The following EPHB1 variants were observed in gnomAD, a reference collection of about 807,000 sequenced individuals.
EPHB1 encodes the protein EPH receptor B1, also known as ephrin type-B receptor 1.
A neutral mutation model predicts 94.4 loss-of-function variants in EPHB1; 30 were observed. That is an observed-to-expected ratio of 0.32 (90% CI 0.24 to 0.43). EPHB1 has a LOEUF of 0.43. EPHB1 is among the 20% of genes least tolerant of loss of function. The pLI is 1.00. For synonymous variants in EPHB1, 522 were observed against 489.1 expected (o/e 1.07, Z -0.89); for missense variants, 1,055 against 1,308.3 (o/e 0.81, Z 2.99).
intron 3 of EPHB1, among the ~76,000 whole-genome samples, chr3:135,032,316 A>C (rs1936503840): frequency 6.8e-6 from 1 of 147,486 alleles, no homozygotes; most frequent in Admixed American, 6.8e-5. Context: ...CTCCTACTTC[A>C]TCATAAAACT....
At chr3:135,092,066 T>C (rs997388224) in intron 3 of EPHB1, among the ~76,000 whole-genome samples, 5 of 152,226 alleles carry the variant, frequency 3.3e-5, no homozygotes, top group Non-Finnish European at 7.3e-5. Context: ...AGAAAAACAC[T>C]TCGGTTTGAA....
At chr3:134,825,898 A>G (rs2036468029) in intron 1 of EPHB1, among the ~76,000 whole-genome samples, 2 of 151,906 alleles carry the variant, frequency 1.3e-5, no homozygotes, top group African/African-American at 2.4e-5. Flanking sequence ...TTCTTTTACC[A>G]TATCTGCATT....
chr3:134,795,608 C>G lies in EPHB1; in HGVS notation c.-24C>G. On this transcript the variant is annotated 5_prime_UTR_variant, in exon 1 of 16. Coordinates refer to ENST00000398015, the MANE Select transcript of EPHB1 (RefSeq NM_004441.5). The stretch of plus-strand genomic sequence containing the variant: ...CGGCGCTGCTGCCTCGGCTTGGTCT[C>G]GGCCTGCGGGCCGTCGGCCGGCGAT... 1 of 1,603,992 alleles carries G rather than the reference C, an allele frequency of 6.2e-7. No homozygotes were observed. Among genetic ancestry groups the G allele is most frequent in the Non-Finnish European group, 8.5e-7 (1 of 1,176,194 alleles).
At chr3:135,098,073 T>C (rs1190219471) in intron 3 of EPHB1, among the ~76,000 whole-genome samples, 1 of 152,178 alleles carries the variant, frequency 6.6e-6, no homozygotes, top group African/African-American at 2.4e-5. Context: ...AAGACCTCTG[T>C]CACAGAGCAT....
intron 15 of EPHB1, among the ~76,000 whole-genome samples, chr3:135,256,122 G>C (rs1487721950): frequency 2.6e-5 from 4 of 152,164 alleles, no homozygotes; most frequent in African/African-American, 7.2e-5. Context: ...CTTTGCACAT[G>C]AGATGGGTTT....
chr3:134,993,571 G>T (rs1178017599), intron 3 of EPHB1, among the ~76,000 whole-genome samples: 1 of 152,140 alleles, frequency 6.6e-6, no homozygotes, highest in African/African-American at 2.4e-5. Context: ...AGTACAAGGA[G>T]CCCAGAAAAC....
chr3:134,902,507 A>G (rs749020440), intron 1 of EPHB1, among the ~76,000 whole-genome samples: 1 of 152,236 alleles, frequency 6.6e-6, no homozygotes, highest in Non-Finnish European at 1.5e-5. Flanking sequence ...AATATATGCA[A>G]TAAAAGGAAA....
At chr3:134,860,019 A>G (rs1205793863) in intron 1 of EPHB1, among the ~76,000 whole-genome samples, 1 of 152,124 alleles carries the variant, frequency 6.6e-6, no homozygotes, top group African/African-American at 2.4e-5. Context: ...TAAATATATT[A>G]TGTATTTCAC....
At chr3:134,853,201 G>A (rs1010454563) in intron 1 of EPHB1, among the ~76,000 whole-genome samples, 8 of 152,364 alleles carry the variant, frequency 5.3e-5, no homozygotes, top group Non-Finnish European at 8.8e-5. Flanking sequence ...CTGGGGGACT[G>A]TTGTCAGCAA....
intron 12 of EPHB1, among the ~76,000 whole-genome samples, chr3:135,235,344 C>A (rs530578121): frequency 6.6e-6 from 1 of 152,164 alleles, no homozygotes; most frequent in African/African-American, 2.4e-5. Context: ...GTGGGAGAAC[C>A]ACACTGGGAA....
rs750194623 is a variant in EPHB1 at position 134,795,260 on chromosome 3, A to C, written c.-372A>C. On this transcript the variant is annotated 5_prime_UTR_variant, in exon 1 of 16. Coordinates refer to ENST00000398015, the MANE Select transcript of EPHB1 (RefSeq NM_004441.5). ...GGGGGATCCCGCTCCCTCCCGCGTCAGTCTGGCCGGCTCCGTCCTCCCGTA... is the reference window on the plus strand; with the variant it reads ...GGGGGATCCCGCTCCCTCCCGCGTCCGTCTGGCCGGCTCCGTCCTCCCGTA... 52 of 364,980 alleles carry C rather than the reference A, an allele frequency of 1.4e-4. No individual in the cohort carries two copies. The highest frequency in any genetic ancestry group is 2.3e-4 in the Non-Finnish European group (47 of 201,744). The allele number at this position is 364,980 out of a possible 1,614,324, so 22.6% of individuals were successfully genotyped here.
intron 10 of EPHB1, among the ~76,000 whole-genome samples, chr3:135,192,067 C>G (rs551740757): frequency 6.6e-6 from 1 of 152,244 alleles, no homozygotes; most frequent in Non-Finnish European, 1.5e-5. Context: ...CTTCCTAACT[C>G]CTCAGTGTCT....
At chr3:134,947,843 G>C (rs1003932970) in intron 2 of EPHB1, among the ~76,000 whole-genome samples, 104 of 152,158 alleles carry the variant, frequency 6.8e-4, no homozygotes, top group Non-Finnish European at 1.4e-3. Flanking sequence ...CACCCAGGCT[G>C]GAGTACAGTG....
intron 2 of EPHB1, among the ~76,000 whole-genome samples, chr3:134,936,698 A>C (rs1455147380): frequency 5.3e-5 from 8 of 152,244 alleles, no homozygotes; most frequent in African/African-American, 1.2e-4. Flanking sequence ...GGAGACAGGC[A>C]TGTCCAATAC....
chr3:135,232,842 C>T (rs774282114), intron 12 of EPHB1, among the ~76,000 whole-genome samples: 10 of 152,030 alleles, frequency 6.6e-5, no homozygotes, highest in East Asian at 5.8e-4. Context: ...CTTCACATGG[C>T]GGCAGCAAGA....
intron 12 of EPHB1, among the ~76,000 whole-genome samples, chr3:135,239,138 A>G (rs1240517207): frequency 1.3e-5 from 2 of 152,196 alleles, no homozygotes; most frequent in Non-Finnish European, 2.9e-5. Flanking sequence ...CCCCCACCAC[A>G]AAAGCCTGCC....
intron 5 of EPHB1, among the ~76,000 whole-genome samples, chr3:135,147,916 G>A (rs1353322606): frequency 6.6e-6 from 1 of 152,092 alleles, no homozygotes; most frequent in Non-Finnish European, 1.5e-5. Flanking sequence ...GATAAGATTT[G>A]CTGAACTCTG....
intron 1 of EPHB1, among the ~76,000 whole-genome samples, chr3:134,799,329 G>A (rs572389594): frequency 6.6e-6 from 1 of 152,312 alleles, no homozygotes; most frequent in East Asian, 1.9e-4. Flanking sequence ...TGTTTTTGGT[G>A]TCCATGAACG....
chr3:134,916,818 G>A (rs1308672696), intron 1 of EPHB1, among the ~76,000 whole-genome samples: 6 of 152,322 alleles, frequency 3.9e-5, no homozygotes, highest in African/African-American at 9.6e-5. Context: ...AAGGTGCAGC[G>A]GCAGGCTGAA....
Sources: gnomAD v4.1 joint callset for allele counts (sites outside exome capture counted in the v4.1 genomes callset) on GRCh38, gnomAD v4.1.1 for gene constraint, MANE v1.5 for transcripts, NCBI Gene and HGNC (gene_info 2026-07-23, HGNC 2026-07-21) for gene names.